The following PLCG2 variants were observed in gnomAD, a reference collection of about 807,000 sequenced individuals.
PLCG2 encodes 1-phosphatidylinositol 4,5-bisphosphate phosphodiesterase gamma-2.
A neutral mutation model predicts 175.6 loss-of-function variants in PLCG2; 69 were observed. The observed-to-expected ratio is 0.39, with a 90% CI of 0.32 to 0.48. The LOEUF (loss-of-function observed/expected upper bound fraction) is 0.48. PLCG2 is among the 20% of genes least tolerant of loss of function. The pLI is 0.91. For missense variants in PLCG2, 1,798 were observed against 1,650.9 expected, an observed-to-expected ratio of 1.09 and a Z score of -1.54; for synonymous variants, 827 against 624.0, an observed-to-expected ratio of 1.33 and a Z score of -4.85.
At chr16:81,752,716 T>A (rs1442797111) in intron 1 of PLCG2, among the ~76,000 whole-genome samples, 1 of 152,200 alleles carries the variant, frequency 6.6e-6, no homozygotes, top group East Asian at 1.9e-4. Context: ...GACGTGACTG[T>A]AGACGAGGCC....
chr16:81,766,699 C>T (rs1448805409), intron 2 of PLCG2: 1 of 152,106 alleles, frequency 6.6e-6, no homozygotes, highest in Non-Finnish European at 1.5e-5. Context: ...TCTTTTTTTC[C>T]CCTTGTCCAT....
chr16:81,895,696 G>A (rs1349697042), intron 12 of PLCG2, 111 bp from the exon 13 acceptor site: 4 of 1,184,576 alleles, frequency 3.4e-6, no homozygotes, highest in Admixed American at 1.9e-5. Flanking sequence ...CCGAATGGAG[G>A]GAGTGTGGGT....
chr16:81,849,771 C>CAAA (rs34130863), intron 2 of PLCG2, among the ~76,000 whole-genome samples: 21 of 83,140 alleles, frequency 2.5e-4, no homozygotes, highest in African/African-American at 6.2e-4. Flanking sequence ...AACTCTGTCT[C>CAAA]AAAAAAAAAA....
At chr16:81,921,556 G>A in intron 21 of PLCG2, 1 of 431,082 alleles carries the variant, frequency 2.3e-6, no homozygotes, top group Non-Finnish European at 4.3e-6. Context: ...TCTTTCAAAT[G>A]TTTTTGGCTC....
chr16:81,837,523 A>G (rs1375085974), intron 2 of PLCG2, among the ~76,000 whole-genome samples: 1 of 152,176 alleles, frequency 6.6e-6, no homozygotes, highest in Non-Finnish European at 1.5e-5. Flanking sequence ...GGAGTAAGGG[A>G]TGCTCTCCGC....
intron 2 of PLCG2, among the ~76,000 whole-genome samples, chr16:81,821,786 A>G (rs546888291): frequency 3.3e-5 from 5 of 152,266 alleles, no homozygotes; most frequent in African/African-American, 1.2e-4. Context: ...GCTTTGCATA[A>G]CTTCCTACCC....
At chr16:81,894,913 G>C (rs1211481420) in intron 12 of PLCG2, among the ~76,000 whole-genome samples, 1 of 151,994 alleles carries the variant, frequency 6.6e-6, no homozygotes. Context: ...AAATAAAAAA[G>C]GCATCAACTA....
intron 7 of PLCG2, among the ~76,000 whole-genome samples, chr16:81,877,973 A>ATTTTT (rs71146052): frequency 9.0e-5 from 5 of 55,758 alleles, no homozygotes; most frequent in Admixed American, 6.2e-4. Flanking sequence ...TTTTTTTTTA[A>ATTTTT]TTTTTTTTTT....
chr16:81,786,255 G>A (rs1910967833), intron 2 of PLCG2, 73 bp downstream of exon 2: 3 of 1,210,978 alleles, frequency 2.5e-6, no homozygotes. Flanking sequence ...CCACCTTCCT[G>A]TCTTGTCATT....
At chr16:81,932,456 A>G (rs1910540519) in intron 25 of PLCG2, among the ~76,000 whole-genome samples, 1 of 152,216 alleles carries the variant, frequency 6.6e-6, no homozygotes, top group African/African-American at 2.4e-5. Flanking sequence ...CTGGAAAGAA[A>G]TTGTAGGGTT....
chr16:81,922,327 T>C (rs1910093336), intron 21 of PLCG2, among the ~76,000 whole-genome samples: 1 of 152,310 alleles, frequency 6.6e-6, no homozygotes, highest in South Asian at 2.1e-4. Context: ...AATTACTTTC[T>C]CTCTCTGCAT....
rs1909974917 is a variant in PLCG2 at position 81,919,499 on chromosome 16, A to G, written c.2070A>G (p.Val690=). ...CCTGCTCCAGGGCTAGGGGCAAGGT[A>G]AAGCATTGTCGCATCAACCGGGACG... ...YAITFRARGK[V]KHCRINRDGR... is the part of the protein sequence containing the mutation. The change falls in exon 20 of 33, where the codon GTA becomes GTG. Residue 690 remains valine, a synonymous_variant. Coordinates refer to ENST00000564138, the MANE Select transcript of PLCG2 (RefSeq NM_002661.5). 1 of 1,613,922 alleles carries G rather than the reference A, an allele frequency of 6.2e-7. No individual in the cohort carries two copies.
intron 2 of PLCG2, among the ~76,000 whole-genome samples, chr16:81,809,193 C>G (rs1904297359): frequency 6.6e-6 from 1 of 152,118 alleles, no homozygotes; most frequent in Admixed American, 6.5e-5. Flanking sequence ...CCCCTCAGCA[C>G]ACACCTCTGC....
intron 7 of PLCG2, among the ~76,000 whole-genome samples, chr16:81,876,484 C>T (rs558733258): frequency 1.3e-5 from 2 of 152,130 alleles, no homozygotes; most frequent in African/African-American, 4.8e-5. Flanking sequence ...TTCTTAGTGC[C>T]CTGGCCCCTG....
chr16:81,912,558 A>G lies in PLCG2; in HGVS notation c.1935-39A>G, dbSNP rs780497540. Reference sequence around the variant, plus strand: ...CGGGTGGCCCACTGACAGCCTGGAGACCGCTCACCTGGTCGTTTTCCCTGG... The same window carrying G: ...CGGGTGGCCCACTGACAGCCTGGAGGCCGCTCACCTGGTCGTTTTCCCTGG... On this transcript the variant is annotated intron_variant, in intron 18 of 32. Transcript: ENST00000564138. 4 of 1,607,672 alleles carry G rather than the reference A, an allele frequency of 2.5e-6. No homozygotes were observed. In the African/African-American group the frequency reaches 5.3e-5, roughly 21 times the overall value.
intron 8 of PLCG2, 110 bp downstream of exon 8, chr16:81,881,063 A>G: frequency 9.0e-7 from 1 of 1,108,550 alleles, no homozygotes; most frequent in Non-Finnish European, 1.4e-6. Flanking sequence ...TGACCTCCAA[A>G]GGGGCAGGGG....
intron 8 of PLCG2, among the ~76,000 whole-genome samples, chr16:81,881,984 A>T (rs1328062993): frequency 6.6e-6 from 1 of 152,174 alleles, no homozygotes; most frequent in Non-Finnish European, 1.5e-5. Flanking sequence ...ATGAAAACTT[A>T]GTGTTAGACT....
At chr16:81,795,464 C>T (rs560553539) in intron 2 of PLCG2, among the ~76,000 whole-genome samples, 10 of 152,148 alleles carry the variant, frequency 6.6e-5, no homozygotes, top group Non-Finnish European at 1.5e-4. Flanking sequence ...GTTATTTCTT[C>T]CTGTAAGTTT....
intron 2 of PLCG2, among the ~76,000 whole-genome samples, chr16:81,793,173 G>A (rs918320893): frequency 6.6e-6 from 1 of 152,200 alleles, no homozygotes; most frequent in African/African-American, 2.4e-5. Flanking sequence ...TTGCTTTCCA[G>A]GGGTGTTGGA....
Sources: gnomAD v4.1 joint callset for allele counts (sites outside exome capture counted in the v4.1 genomes callset) on GRCh38, gnomAD v4.1.1 for gene constraint, MANE v1.5 for transcripts, NCBI Gene and HGNC (gene_info 2026-07-23, HGNC 2026-07-21) for gene names.